The following DMD variants were observed in gnomAD, a reference collection of about 807,000 sequenced individuals.
The protein encoded by DMD is mutant dystrophin.
In DMD, 63 loss-of-function variants were observed where a neutral mutation model predicts 330.1. That is an observed-to-expected ratio of 0.19 (90% CI 0.16 to 0.24). The LOEUF (loss-of-function observed/expected upper bound fraction) is 0.24, where lower values mean the gene tolerates loss of function less well. Ranked by LOEUF, DMD falls within the 10% of genes least tolerant of loss-of-function variation. DMD has a pLI of 1.00. For missense variants in DMD, 3,344 were observed against 2,684.1 expected (o/e 1.25, Z -5.43); for synonymous variants, 1,223 against 959.8 (o/e 1.27, Z -5.07).
At chrX:31,283,804 C>T (rs1178899355) in intron 62 of DMD, among the ~76,000 whole-genome samples, 1 of 111,828 alleles carries the variant, frequency 8.9e-6, no homozygotes, top group Non-Finnish European at 1.9e-5. Flanking sequence ...AACACAATGG[C>T]AAGCCATGGG....
intron 60 of DMD, among the ~76,000 whole-genome samples, chrX:31,369,558 G>A (rs989573675): frequency 7.2e-5 from 8 of 111,581 alleles, no homozygotes; most frequent in Admixed American, 2.8e-4. Context: ...GAAGCGTAGC[G>A]TTCATAAGAA....
chrX:32,132,888 T>G (rs1603626680), intron 44 of DMD, among the ~76,000 whole-genome samples: 1 of 110,737 alleles, frequency 9.0e-6, no homozygotes, highest in Admixed American at 9.7e-5. Context: ...CAGGATATAG[T>G]AAAAGGAGAC....
At chrX:32,949,387 T>TAGAC (rs1354377781) in intron 2 of DMD, among the ~76,000 whole-genome samples, 22 of 86,712 alleles carry the variant, frequency 2.5e-4, no homozygotes, top group African/African-American at 1.1e-3. Flanking sequence ...GATAGATAGA[T>TAGAC]AGATAGACAG....
At chrX:31,292,449 G>C (rs1278743026) in intron 62 of DMD, among the ~76,000 whole-genome samples, 1 of 112,019 alleles carries the variant, frequency 8.9e-6, no homozygotes, top group Non-Finnish European at 1.9e-5. Context: ...AAATTTTAAA[G>C]ACTAACAAGT....
At position 32,631,254 on chromosome X, in the gene DMD, C is replaced by T. The variant is rs141248426; in HGVS notation, c.1331+12878G>A. Among the ~76,000 whole-genome samples the T allele has an allele frequency of 9.1e-3, 1,020 of 111,663 alleles. 13 individuals are homozygous for T. The highest frequency in any genetic ancestry group is 0.032 in the African/African-American group (970 of 30,761). On this transcript the variant is annotated intron_variant, in intron 11 of 78. Transcript: ENST00000357033. Reference sequence around the variant, plus strand: ...GACACAAGCACCCCTGTAGCTACCACGACTAGGATTGTGTTGGGTCACTCC... The same window carrying T: ...GACACAAGCACCCCTGTAGCTACCATGACTAGGATTGTGTTGGGTCACTCC...
chrX:32,676,069 A>T (rs1303755452), intron 9 of DMD, among the ~76,000 whole-genome samples: 1 of 111,647 alleles, frequency 9.0e-6, no homozygotes, highest in Admixed American at 9.6e-5. Context: ...CTCATTCAAG[A>T]TATATAAGGT....
intron 2 of DMD, among the ~76,000 whole-genome samples, chrX:32,959,496 C>T (rs781103378): frequency 3.6e-5 from 4 of 111,652 alleles, no homozygotes; most frequent in African/African-American, 1.3e-4. Context: ...ACCCATTTTG[C>T]CACTCTTACT....
intron 11 of DMD, among the ~76,000 whole-genome samples, chrX:32,624,637 T>C (rs1225902065): frequency 8.9e-6 from 1 of 111,818 alleles, no homozygotes; most frequent in Admixed American, 9.5e-5. Flanking sequence ...TCTGCATTTC[T>C]AACAACTGCC....
chrX:32,966,206 T>G (rs1013234706), intron 2 of DMD, among the ~76,000 whole-genome samples: 5 of 111,960 alleles, frequency 4.5e-5, no homozygotes, highest in Non-Finnish European at 7.5e-5. Flanking sequence ...ATTAATAACT[T>G]AAAACTCTCC....
At chrX:31,449,287 T>A (rs2065514542) in intron 59 of DMD, among the ~76,000 whole-genome samples, 1 of 111,361 alleles carries the variant, frequency 9.0e-6, no homozygotes, top group East Asian at 2.8e-4. Flanking sequence ...TTTGAATTAA[T>A]CGTAATAGAG....
intron 21 of DMD, among the ~76,000 whole-genome samples, chrX:32,473,830 C>T (rs191404931): frequency 9.1e-6 from 1 of 110,372 alleles, no homozygotes; most frequent in African/African-American, 3.3e-5. Context: ...TAACCTGATG[C>T]ATTTATTTTT....
intron 55 of DMD, among the ~76,000 whole-genome samples, chrX:31,594,860 C>T (rs1407068333): frequency 1.8e-5 from 2 of 111,150 alleles, no homozygotes; most frequent in Non-Finnish European, 3.8e-5. Context: ...ACTATACCCC[C>T]TTTCACAGTA....
At chrX:33,010,141 C>A (rs1009727358) in intron 2 of DMD, among the ~76,000 whole-genome samples, 4 of 92,693 alleles carry the variant, frequency 4.3e-5, no homozygotes, top group African/African-American at 1.7e-4. Flanking sequence ...TGTATATATA[C>A]GTGTATATAT....
intron 43 of DMD, among the ~76,000 whole-genome samples, chrX:32,271,241 T>C (rs1041607861): frequency 4.5e-5 from 5 of 112,338 alleles, no homozygotes; most frequent in Non-Finnish European, 5.6e-5. Flanking sequence ...ATTTGCCTTT[T>C]TATGAACAAA....
chrX:33,165,760 G>A (rs1253316887), intron 1 of DMD, among the ~76,000 whole-genome samples: 1 of 111,427 alleles, frequency 9.0e-6, no homozygotes, highest in East Asian at 2.8e-4. Flanking sequence ...AGTAAACAAA[G>A]GGGGAAAGAG....
intron 37 of DMD, among the ~76,000 whole-genome samples, chrX:32,354,707 T>C (rs1481930193): frequency 2.7e-5 from 3 of 111,595 alleles, no homozygotes; most frequent in African/African-American, 6.5e-5. Context: ...TTACCTTTAA[T>C]GCTTTGATAA....
intron 44 of DMD, among the ~76,000 whole-genome samples, chrX:32,058,685 T>A: frequency 9.1e-6 from 1 of 109,951 alleles, no homozygotes; most frequent in East Asian, 2.9e-4. Flanking sequence ...GAAAACAATA[T>A]GGAGTTTCCT....
At chrX:32,724,001 T>G (rs762506937) in intron 7 of DMD, among the ~76,000 whole-genome samples, 18 of 111,941 alleles carry the variant, frequency 1.6e-4, no homozygotes, top group African/African-American at 5.8e-4. Flanking sequence ...CAAGGTTGCC[T>G]TAAGTACATC....
intron 52 of DMD, among the ~76,000 whole-genome samples, chrX:31,686,180 T>C (rs1344081448): frequency 1.8e-5 from 2 of 112,347 alleles, no homozygotes; most frequent in Admixed American, 9.4e-5. Flanking sequence ...AAGTAAAAAT[T>C]AAAAACATCC....
Sources: gnomAD v4.1 joint callset for allele counts (sites outside exome capture counted in the v4.1 genomes callset) on GRCh38, gnomAD v4.1.1 for gene constraint, MANE v1.5 for transcripts, NCBI Gene and HGNC (gene_info 2026-07-23, HGNC 2026-07-21) for gene names.